The following GPRIN1 variants were observed in gnomAD, a reference collection of about 807,000 sequenced individuals.
GPRIN1 encodes G protein regulated inducer of neurite outgrowth 1.
A neutral mutation model predicts 2.8 loss-of-function variants in GPRIN1; 4 were observed. That is an observed-to-expected ratio of 1.45 (90% CI 0.71 to 3.32). The LOEUF (loss-of-function observed/expected upper bound fraction) is 3.32. GPRIN1 is among the 30% of genes most tolerant of loss of function. The pLI is 0.01. For synonymous variants in GPRIN1, 589 were observed against 589.9 expected, an observed-to-expected ratio of 1.00 and a Z score of 0.02; for missense variants, 1,322 against 1,343.4, an observed-to-expected ratio of 0.98 and a Z score of 0.25.
chr5:176,599,407 T>A lies in GPRIN1; in HGVS notation c.428A>T (p.Asp143Val). 6.2e-7 allele frequency: 1 copy of A among 1,614,254 alleles called. No individual in the cohort carries two copies. The highest frequency in any genetic ancestry group is 1.1e-5 in the South Asian group (1 of 91,088). ...SSVKTEPKSS[D>V]DRNPMFLEKM... ...CTCTAAGAACATGGGATTTCTGTCA[T>A]CTGAGGATTTGGGCTCAGTTTTCAC... is the stretch of plus-strand genomic sequence containing the variant. Residue 143 changes from aspartate to valine, a missense_variant, in exon 2 of 2, where the codon GAT (aspartate) becomes GTT (valine). Asp to Val is a radical substitution (Grantham distance 152). Coordinates refer to ENST00000303991, the MANE Select transcript of GPRIN1 (RefSeq NM_052899.3).
chr5:176,599,997 TAGAC>T, intron 1 of GPRIN1, 120 bp from the exon 2 acceptor site: 1 of 572,872 alleles, frequency 1.7e-6, no homozygotes, highest in South Asian at 8.6e-5. Context: ...CCAGAGGACC[TAGAC>T]TAAAAACACA....
intron 1 of GPRIN1, among the ~76,000 whole-genome samples, chr5:176,609,115 G>A (rs1160554698): frequency 6.6e-6 from 1 of 152,248 alleles, no homozygotes; most frequent in Non-Finnish European, 1.5e-5. Context: ...GTGGGCCAGT[G>A]TGGGTGGGAG....
In GPRIN1 at chr5:176,599,266, A is replaced by G. The variant is rs1259658438; in HGVS notation, c.569T>C (p.Leu190Ser). 6.2e-7 allele frequency: 1 copy of G among 1,613,566 alleles called. No individual in the cohort carries two copies. Among genetic ancestry groups the G allele is most frequent in the Non-Finnish European group, 8.5e-7 (1 of 1,179,912 alleles). The change falls in exon 2 of 2, where the codon TTG becomes TCG. Residue 190 changes from leucine to serine, a missense_variant. Physicochemically the swap from Leu to Ser is moderately radical, Grantham distance 145 (BLOSUM62 -2). Around this residue, in one of 3 missense-constraint regions of GPRIN1, gnomAD observed 1,117 missense variants for 1,128.6 expected, o/e 0.99. Coordinates refer to ENST00000303991, the MANE Select transcript of GPRIN1 (RefSeq NM_052899.3). ...MFTGKAEPEI[L>S]GKGDPVAPGR... ...AGGAGCCACAGGATCCCCCTTTCCC[A>G]AGATTTCAGGCTCTGCCTTTCCTGT...
chr5:176,599,631 C>A lies in GPRIN1; in HGVS notation c.204G>T (p.Glu68Asp), dbSNP rs746196366. The change falls in exon 2 of 2, where the codon GAG (glutamate) becomes GAT (aspartate). Residue 68 changes from glutamate (E) to aspartate (D), a missense_variant. Glu to Asp is a conservative substitution (Grantham distance 45). Coordinates refer to ENST00000303991, the MANE Select transcript of GPRIN1 (RefSeq NM_052899.3). Reference protein sequence around the residue: ...RHTPDQSPGMESRHRSPSGAG... With the variant: ...RHTPDQSPGMDSRHRSPSGAG... Reference sequence around the variant, plus strand: ...CCCCACTGGGGCTTCTGTGTCTAGACTCCATGCCTGGGCTTTGGTCAGGGG... The same window carrying A: ...CCCCACTGGGGCTTCTGTGTCTAGAATCCATGCCTGGGCTTTGGTCAGGGG... The A allele has an allele frequency of 6.5e-7, 1 of 1,542,310 alleles. No homozygotes were observed. The highest frequency in any genetic ancestry group is 8.7e-7 in the Non-Finnish European group (1 of 1,147,372).
chr5:176,599,016 G>A lies in GPRIN1; in HGVS notation c.819C>T (p.Val273=), dbSNP rs1353719529. ...CTACCTTTTCTGCAGATGTAGGAGC[G>A]ACCTTTTCTGAGGACACAGGATGCT... is the stretch of plus-strand genomic sequence containing the variant. ...GKEHPVSSEK[V]APTSAEKVDL... Residue 273 remains valine, a synonymous_variant, in exon 2 of 2, where the codon GTC becomes GTT. Coordinates refer to ENST00000303991, the MANE Select transcript of GPRIN1 (RefSeq NM_052899.3). 4 of 1,614,012 alleles carry A rather than the reference G, an allele frequency of 2.5e-6. No homozygotes were observed. Among genetic ancestry groups the A allele is most frequent in the African/African-American group, 1.3e-5 (1 of 74,902 alleles).
intron 1 of GPRIN1, among the ~76,000 whole-genome samples, chr5:176,604,260 A>G (rs924080445): frequency 6.6e-6 from 1 of 152,204 alleles, no homozygotes; most frequent in African/African-American, 2.4e-5. Flanking sequence ...GGCAGTTACC[A>G]TCTGAGCCAG....
chr5:176,599,200 C>G lies in GPRIN1; in HGVS notation c.635G>C (p.Gly212Ala). 1 of 1,613,752 alleles carries G rather than the reference C, an allele frequency of 6.2e-7. No individual in the cohort carries two copies. The highest frequency in any genetic ancestry group is 8.5e-7 in the Non-Finnish European group (1 of 1,179,954). The change falls in exon 2 of 2, where the codon GGA becomes GCA. Residue 212 changes from glycine (G) to alanine (A), a missense_variant. Around this residue, in one of 3 missense-constraint regions of GPRIN1, gnomAD observed 1,117 missense variants for 1,128.6 expected, o/e 0.99. Transcript: ENST00000303991. Reference sequence around the variant, plus strand: ...CAAAGGATCTACTTTTCCCAGGGATCCAAGATCTTCCTTTCTTACAGTCAT... The same window carrying G: ...CAAAGGATCTACTTTTCCCAGGGATGCAAGATCTTCCTTTCTTACAGTCAT... Reference protein sequence around the residue: ...DPMTVRKEDLGSLGKVDPLCS... With the variant: ...DPMTVRKEDLASLGKVDPLCS...
chr5:176,603,908 G>C (rs1235696246), intron 1 of GPRIN1, among the ~76,000 whole-genome samples: 1 of 152,184 alleles, frequency 6.6e-6, no homozygotes, highest in Non-Finnish European at 1.5e-5. Flanking sequence ...CCCAGACTGA[G>C]GGAGACAAGA....
At chr5:176,607,774 CTG>C (rs978777970) in intron 1 of GPRIN1, among the ~76,000 whole-genome samples, 3 of 148,016 alleles carry the variant, frequency 2.0e-5, no homozygotes, top group Non-Finnish European at 4.4e-5. Context: ...GGGCACACAA[CTG>C]GGGCACACAA....
rs1465305442 is a variant in GPRIN1, at chr5:176,597,324, GC to G, written c.2510del (p.Gly837AlafsTer40). 8.1e-7 allele frequency: 1 copy of G among 1,234,306 alleles called. No homozygotes were observed. Among genetic ancestry groups the G allele is most frequent in the Non-Finnish European group, 1.0e-6 (1 of 990,092 alleles). 76.5% of individuals were successfully genotyped at this position (1,234,306 alleles called of 1,614,324 possible). A position where few individuals can be genotyped will look rare whatever the true frequency, so the allele number is the denominator to read the frequency against. Reference protein sequence around the residue: ...SPMSPQDGAGGSAFSFQAAPR... With the variant: ...SPMSPQDGAGXSAFSFQAAPR... ...GCGCCGCCTGGAAGCTGAAGGCCGA[GC>G]CCCCAGCGCCGTCCTGCGGAGACAT... On this transcript the variant is annotated frameshift_variant, in exon 2 of 2. Coordinates refer to ENST00000303991, the MANE Select transcript of GPRIN1 (RefSeq NM_052899.3). LOFTEE classifies it low-confidence loss of function (END_TRUNC). The surrounding 1 kb of genome is among the most constrained non-coding windows in gnomAD (Gnocchi z 6.1).
Position 176,596,920 on chromosome 5 carries a change from C to G in GPRIN1, c.2915G>C (p.Arg972Pro), listed in dbSNP as rs1759045469. Residue 972 changes from arginine to proline, a missense_variant, in exon 2 of 2, where the codon CGC (arginine) becomes CCC (proline). By Grantham distance (103) the Arg-to-Pro change is moderately radical (BLOSUM62 -2). Coordinates refer to ENST00000303991, the MANE Select transcript of GPRIN1 (RefSeq NM_052899.3). The surrounding 1 kb of genome is among the most constrained non-coding windows in gnomAD (Gnocchi z 5.2). ...GGCGGCGCCATCTGGGGGCGCGGTG[C>G]GCACCGAGCCCGAACGGCCGGGGCC... Reference protein sequence around the residue: ...RAGPGRSGSVRTAPPDGAAKR... With the variant: ...RAGPGRSGSVPTAPPDGAAKR... 8.2e-7 allele frequency: 1 copy of G among 1,213,838 alleles called. No individual in the cohort carries two copies. The highest frequency in any genetic ancestry group is 1.0e-6 in the Non-Finnish European group (1 of 977,400). The allele number at this position is 1,213,838 out of a possible 1,614,324, so 75.2% of individuals were successfully genotyped here. A position where few individuals can be genotyped will look rare whatever the true frequency, so the allele number is the denominator to read the frequency against.
In GPRIN1 at chr5:176,610,012, T is replaced by A. The variant is rs2113357896; in HGVS notation, c.-57A>T. On this transcript the variant is annotated 5_prime_UTR_variant, in exon 1 of 2. Transcript: ENST00000303991. Reference sequence around the variant, plus strand: ...CGCGGCGCTTACCAGGCAGTGCCGCTGCTCCGGCTCCTGGGCGAGATGCGC... The same window carrying A: ...CGCGGCGCTTACCAGGCAGTGCCGCAGCTCCGGCTCCTGGGCGAGATGCGC... 1 of 152,498 alleles carries A rather than the reference T, an allele frequency of 6.6e-6. No individual in the cohort carries two copies. The highest frequency in any genetic ancestry group is 1.8e-4 in the South Asian group (1 of 5,674). 9.4% of individuals were successfully genotyped at this position (152,498 alleles called of 1,614,324 possible).
chr5:176,601,176 G>T (rs946141521), intron 1 of GPRIN1, among the ~76,000 whole-genome samples: 1 of 152,190 alleles, frequency 6.6e-6, no homozygotes, highest in Non-Finnish European at 1.5e-5. Context: ...GCTGTGAATG[G>T]TTTATAGTCA....
rs185545527 is a variant in GPRIN1, at chr5:176,603,509, G to C, written c.-43-3632C>G. Among the ~76,000 whole-genome samples the C allele has an allele frequency of 2.0e-3, 308 of 152,282 alleles. 1 individual carries two copies. Among genetic ancestry groups the C allele is most frequent in the African/African-American group, 7.0e-3 (290 of 41,550 alleles). ...TGGCCAGACCTCAGGTCTCTGGATG[G>C]GGACACAGTCGATACTGTTCACTAC... On this transcript the variant is annotated intron_variant, in intron 1 of 1. Transcript: ENST00000303991.
chr5:176,601,116 A>T (rs1759143338), intron 1 of GPRIN1, among the ~76,000 whole-genome samples: 1 of 152,018 alleles, frequency 6.6e-6, no homozygotes, highest in Non-Finnish European at 1.5e-5. Context: ...TGTGGGCCAA[A>T]CAAGACTTGC....
rs184543568 is a variant in GPRIN1 at position 176,597,864 on chromosome 5, C to A, written c.1971G>T (p.Val657=). ...GAAAPGEAGA[V]CLKKETPQAS... ...CCTGTGGTGTCTCCTTTTTCAAACA[C>A]ACAGCCCCTGCTTCCCCTGGTGCTG... The change falls in exon 2 of 2, where the codon GTG becomes GTT. Residue 657 remains valine, a synonymous_variant. Coordinates refer to ENST00000303991, the MANE Select transcript of GPRIN1 (RefSeq NM_052899.3). The surrounding 1 kb of genome is among the most constrained non-coding windows in gnomAD (Gnocchi z 6.1). 9.9e-6 allele frequency: 16 copies of A among 1,613,438 alleles called. No homozygotes were observed. The East Asian group carries it at 3.6e-4, about 36-fold the overall frequency.
Position 176,597,146 on chromosome 5 carries a change from G to A in GPRIN1, c.2689C>T (p.Leu897=). The A allele has an allele frequency of 7.0e-7, 1 of 1,434,680 alleles. No homozygotes were observed. The highest frequency in any genetic ancestry group is 2.3e-5 in the Admixed American group (1 of 44,388). The allele number at this position is 1,434,680 out of a possible 1,614,324, so 88.9% of individuals were successfully genotyped here. A position where few individuals can be genotyped will look rare whatever the true frequency, so the allele number is the denominator to read the frequency against. The stretch of plus-strand genomic sequence containing the variant: ...TCCGGGGGCGCTACAGCGGCCGCCA[G>A]CGCTGAGCCGGGCCGCACCCGCACT... ...PEVRVRPGSA[L]AAAVAPPEPA... The change falls in exon 2 of 2, where the codon CTG becomes TTG. Residue 897 remains leucine, a synonymous_variant. Coordinates refer to ENST00000303991, the MANE Select transcript of GPRIN1 (RefSeq NM_052899.3). This position sits in a 1 kb window ranked among gnomAD's most constrained non-coding sequence, Gnocchi z 6.1.
chr5:176,606,001 C>T (rs947070759), intron 1 of GPRIN1, among the ~76,000 whole-genome samples: 1 of 152,088 alleles, frequency 6.6e-6, no homozygotes, highest in Non-Finnish European at 1.5e-5. Flanking sequence ...CCCTCACTAC[C>T]CCTCATTTCA....
At position 176,598,533 on chromosome 5, in the gene GPRIN1, G is replaced by C. The variant is rs1759091291; in HGVS notation, c.1302C>G (p.Leu434=). The part of the protein sequence containing the change: ...MDPMCSGKPE[L]LSPGQAERVS... ...CACGCTCTGCCTGTCCAGGAGACAA[G>C]AGCTCTGGCTTTCCTGAGCACATGG... The change falls in exon 2 of 2, where the codon CTC becomes CTG. Residue 434 remains leucine (L), a synonymous_variant. Transcript: ENST00000303991. 9 of 1,614,162 alleles carry C rather than the reference G, an allele frequency of 5.6e-6. No individual in the cohort carries two copies. Among genetic ancestry groups the C allele is most frequent in the Non-Finnish European group, 7.6e-6 (9 of 1,180,040 alleles).
Sources: allele counts gnomAD v4.1 joint callset (sites outside exome capture counted in the v4.1 genomes callset), GRCh38; gene constraint gnomAD v4.1.1; regional missense constraint gnomAD v4.1.1; non-coding constraint Gnocchi (gnomAD v3.1); transcripts MANE v1.5; gene names NCBI Gene and HGNC (gene_info 2026-07-23, HGNC 2026-07-21).